Variants in KLHL1 observed in about 807,000 individuals in gnomAD.
KLHL1 encodes kelch-like protein 1.
A neutral mutation model predicts 77.7 loss-of-function variants in KLHL1; 47 were observed. The ratio of observed to expected loss-of-function variants is 0.60; its 90% CI spans 0.48 to 0.77. KLHL1 has a LOEUF of 0.77. KLHL1 is among the 30% of genes least tolerant of loss of function. KLHL1 has a pLI of 0.00. For synonymous variants in KLHL1, 360 were observed against 325.2 expected, an observed-to-expected ratio of 1.11 and a Z score of -1.15; for missense variants, 925 against 910.8, an observed-to-expected ratio of 1.02 and a Z score of -0.20.
chr13:69,956,042 ATATTTGATATATATATTTATATATT>A (rs1883868105), intron 3 of KLHL1, among the ~76,000 whole-genome samples: 4 of 119,422 alleles, frequency 3.3e-5, no homozygotes, highest in Non-Finnish European at 7.4e-5. Context: ...ATATTTATAT[ATATTTGATATATATATTTATATATT>A]TATTTGATAT....
At chr13:69,981,892 T>C (rs1490456938) in intron 1 of KLHL1, among the ~76,000 whole-genome samples, 1 of 151,942 alleles carries the variant, frequency 6.6e-6, no homozygotes, top group Non-Finnish European at 1.5e-5. Context: ...ATAAACCACA[T>C]ATATCTTTAA....
At chr13:69,880,469 A>G (rs991787036) in intron 5 of KLHL1, among the ~76,000 whole-genome samples, 5 of 152,156 alleles carry the variant, frequency 3.3e-5, no homozygotes, top group African/African-American at 1.2e-4. Flanking sequence ...ATTTATGTCT[A>G]TCGCACACTG....
At chr13:69,873,823 C>G (rs115775601) in intron 5 of KLHL1, among the ~76,000 whole-genome samples, 2,531 of 152,194 alleles carry the variant, frequency 0.017, 81 homozygotes, top group African/African-American at 0.057. Context: ...TATTTGTTTA[C>G]TCAGTAAAAA....
chr13:70,041,573 G>A (rs189902547), intron 1 of KLHL1, among the ~76,000 whole-genome samples: 206 of 152,270 alleles, frequency 1.4e-3, no homozygotes, highest in African/African-American at 4.8e-3. Context: ...TACTGTGCCT[G>A]GAAGGGGTAG....
At chr13:70,001,828 T>G (rs570657198) in intron 1 of KLHL1, among the ~76,000 whole-genome samples, 2 of 151,744 alleles carry the variant, frequency 1.3e-5, no homozygotes, top group South Asian at 4.1e-4. Context: ...TAAATTTACT[T>G]GACTAACATT....
intron 1 of KLHL1, among the ~76,000 whole-genome samples, chr13:70,065,808 A>G (rs1372284): frequency 0.098 from 14,871 of 152,158 alleles, 962 homozygotes; most frequent in Non-Finnish European, 0.15. Flanking sequence ...GTAAAGGCTT[A>G]GCAGGTGGAT....
chr13:69,727,747 T>C (rs1268168623), intron 8 of KLHL1, among the ~76,000 whole-genome samples: 2 of 152,184 alleles, frequency 1.3e-5, no homozygotes, highest in Admixed American at 6.6e-5. Context: ...CAGTCAACTA[T>C]TGTGATGAAA....
At chr13:69,742,410 A>C (rs1370512891) in intron 7 of KLHL1, among the ~76,000 whole-genome samples, 1 of 152,188 alleles carries the variant, frequency 6.6e-6, no homozygotes, top group Non-Finnish European at 1.5e-5. Flanking sequence ...TGAGAGACCC[A>C]TGAAGAATTG....
intron 5 of KLHL1, among the ~76,000 whole-genome samples, chr13:69,873,984 G>A (rs887257093): frequency 1.3e-5 from 2 of 152,214 alleles, no homozygotes; most frequent in African/African-American, 4.8e-5. Flanking sequence ...AAGCTGAAAC[G>A]TGATTAATAA....
chr13:69,901,912 C>G (rs964695973), intron 4 of KLHL1, among the ~76,000 whole-genome samples: 6 of 151,758 alleles, frequency 4.0e-5, no homozygotes, highest in African/African-American at 9.7e-5. Context: ...ATTCTCCTGC[C>G]TCAGCCTTCC....
intron 1 of KLHL1, among the ~76,000 whole-genome samples, chr13:70,003,198 C>T (rs1231499791): frequency 6.6e-6 from 1 of 151,588 alleles, no homozygotes; most frequent in African/African-American, 2.4e-5. Flanking sequence ...CATAATATTG[C>T]ACATATTTTA....
chr13:69,976,774 T>A (rs1221592088), intron 1 of KLHL1, among the ~76,000 whole-genome samples: 1 of 152,082 alleles, frequency 6.6e-6, no homozygotes, highest in Non-Finnish European at 1.5e-5. Context: ...ACAAAAAAGT[T>A]ACATACAATA....
intron 8 of KLHL1, 91 bp downstream of exon 8, chr13:69,740,303 T>C: frequency 1.1e-6 from 1 of 899,994 alleles, no homozygotes; most frequent in Non-Finnish European, 1.6e-6. Flanking sequence ...TTAAAACAAT[T>C]TTTACCAGCT....
intron 6 of KLHL1, among the ~76,000 whole-genome samples, chr13:69,820,090 A>G (rs926343991): frequency 4.6e-5 from 7 of 152,140 alleles, no homozygotes; most frequent in Non-Finnish European, 1.0e-4. Context: ...GCTTGTATCT[A>G]TTAAGTAGGA....
chr13:69,822,056 G>A (rs114163950), intron 6 of KLHL1, among the ~76,000 whole-genome samples: 2,194 of 152,010 alleles, frequency 0.014, 50 homozygotes, highest in African/African-American at 0.049. Flanking sequence ...AATATTAGCT[G>A]GGTGTAGTGG....
chr13:69,860,836 T>A (rs987912521), intron 5 of KLHL1, among the ~76,000 whole-genome samples: 1 of 151,624 alleles, frequency 6.6e-6, no homozygotes, highest in East Asian at 1.9e-4. Flanking sequence ...TAATTAGATA[T>A]CTTTAGAATT....
At chr13:69,827,311 C>T (rs1878586246) in intron 6 of KLHL1, among the ~76,000 whole-genome samples, 2 of 151,766 alleles carry the variant, frequency 1.3e-5, no homozygotes, top group East Asian at 1.9e-4. Context: ...ATTTAGCTGG[C>T]CTGAGATTTT....
chr13:70,059,509 A>T (rs964651227), intron 1 of KLHL1, among the ~76,000 whole-genome samples: 9 of 152,196 alleles, frequency 5.9e-5, no homozygotes, highest in Admixed American at 4.6e-4. Flanking sequence ...AAGCACAGGA[A>T]ATCAAAGCAA....
chr13:69,770,397 C>T (rs1875508290), intron 7 of KLHL1, among the ~76,000 whole-genome samples: 1 of 152,208 alleles, frequency 6.6e-6, no homozygotes, highest in African/African-American at 2.4e-5. Context: ...GAAGTGGAAC[C>T]AAAACTATCC....
Sources: gnomAD v4.1 joint callset for allele counts (sites outside exome capture counted in the v4.1 genomes callset) on GRCh38, gnomAD v4.1.1 for gene constraint, MANE v1.5 for transcripts, NCBI Gene and HGNC (gene_info 2026-07-23, HGNC 2026-07-21) for gene names.